The following IER2 variants were observed in gnomAD, a reference collection of about 807,000 sequenced individuals.
The protein encoded by IER2 is immediate early response gene 2 protein.
For synonymous variants in IER2, 198 were observed against 149.6 expected, an observed-to-expected ratio of 1.32 and a Z score of -2.36; for missense variants, 372 against 325.4, an observed-to-expected ratio of 1.14 and a Z score of -1.10.
Position 13,153,989 on chromosome 19 carries a change from G to T in IER2, c.*131G>T. Reference sequence around the variant, plus strand: ...GCGAAAACCGTGGAGAGAAGCCGCCGCCCGGGCTGCTGAGAGGCCCGGAGA... The same window carrying T: ...GCGAAAACCGTGGAGAGAAGCCGCCTCCCGGGCTGCTGAGAGGCCCGGAGA... On this transcript the variant is annotated 3_prime_UTR_variant, in exon 2 of 2. Coordinates refer to ENST00000292433, the MANE Select transcript of IER2 (RefSeq NM_004907.3). The T allele has an allele frequency of 3.9e-6, 3 of 777,508 alleles. No individual in the cohort carries two copies. Among genetic ancestry groups the T allele is most frequent in the South Asian group, 2.4e-5 (1 of 42,260 alleles). The allele number at this position is 777,508 out of a possible 1,614,324, so 48.2% of individuals were successfully genotyped here.
rs763842077 is a variant in IER2, at chr19:13,153,978, G to A, written c.*120G>A. On this transcript the variant is annotated 3_prime_UTR_variant, in exon 2 of 2. Coordinates refer to ENST00000292433, the MANE Select transcript of IER2 (RefSeq NM_004907.3). ...GGGAAGCGCCCGCGAAAACCGTGGAGAGAAGCCGCCGCCCGGGCTGCTGAG... is the reference window on the plus strand; with the variant it reads ...GGGAAGCGCCCGCGAAAACCGTGGAAAGAAGCCGCCGCCCGGGCTGCTGAG... The A allele has an allele frequency of 1.9e-4, 167 of 878,704 alleles. No individual in the cohort carries two copies. Among genetic ancestry groups the A allele is most frequent in the Non-Finnish European group, 2.7e-4 (163 of 613,040 alleles). 54.4% of individuals were successfully genotyped at this position (878,704 alleles called of 1,614,324 possible). A position where few individuals can be genotyped will look rare whatever the true frequency, so the allele number is the denominator to read the frequency against.
At chr19:13,151,675 G>A (rs1313025658) in intron 1 of IER2, among the ~76,000 whole-genome samples, 1 of 152,202 alleles carries the variant, frequency 6.6e-6, no homozygotes, top group African/African-American at 2.4e-5. Flanking sequence ...GGAAGGAAGT[G>A]AAACTCTCCT....
chr19:13,151,855 C>T (rs936029386), intron 1 of IER2: 15 of 151,456 alleles, frequency 9.9e-5, no homozygotes, highest in African/African-American at 3.4e-4. Flanking sequence ...GGGCCCTGTC[C>T]TAATATGGGC....
rs371930497 is a variant in IER2 at position 13,153,610 on chromosome 19, C to T, written c.424C>T (p.Arg142Cys). 42 of 1,611,354 alleles carry T rather than the reference C, an allele frequency of 2.6e-5. No individual in the cohort carries two copies. The highest frequency in any genetic ancestry group is 4.4e-5 in the South Asian group (4 of 90,770). ...DAGLVPSKKARLEEKEEEEGA... is the reference protein window; with the variant it reads ...DAGLVPSKKACLEEKEEEEGA... The stretch of plus-strand genomic sequence containing the variant: ...TGGACTGGTCCCGAGCAAGAAAGCC[C>T]GTCTGGAAGAAAAGGAAGAAGAGGA... The change falls in exon 2 of 2, where the codon CGT (arginine) becomes TGT (cysteine). Residue 142 changes from arginine (R) to cysteine (C), a missense_variant. By Grantham distance (180) the Arg-to-Cys change is radical. Transcript: ENST00000292433.
At position 13,154,065 on chromosome 19, in the gene IER2, G is replaced by A. The variant is rs1046741520; in HGVS notation, c.*207G>A. 29 of 519,180 alleles carry A rather than the reference G, an allele frequency of 5.6e-5. No homozygotes were observed. Among genetic ancestry groups the A allele is most frequent in the African/African-American group, 2.8e-4 (14 of 49,164 alleles). The allele number at this position is 519,180 out of a possible 1,614,324, so 32.2% of individuals were successfully genotyped here. A position where few individuals can be genotyped will look rare whatever the true frequency, so the allele number is the denominator to read the frequency against. ...GCCTTCAGTGTGCAGGGACGGCACCGAGGAGTCTGAGCCGGGGGCGCGGGC... is the reference window on the plus strand; with the variant it reads ...GCCTTCAGTGTGCAGGGACGGCACCAAGGAGTCTGAGCCGGGGGCGCGGGC... On this transcript the variant is annotated 3_prime_UTR_variant, in exon 2 of 2. Coordinates refer to ENST00000292433, the MANE Select transcript of IER2 (RefSeq NM_004907.3).
intron 1 of IER2, among the ~76,000 whole-genome samples, chr19:13,151,041 G>A (rs1397819732): frequency 6.6e-6 from 1 of 152,160 alleles, no homozygotes; most frequent in Non-Finnish European, 1.5e-5. Context: ...GTAGGGGCCA[G>A]GAATATCAGC....
chr19:13,153,843 C>T lies in IER2; in HGVS notation c.657C>T (p.Ala219=), dbSNP rs1252619976. 4 of 1,441,692 alleles carry T rather than the reference C, an allele frequency of 2.8e-6. No homozygotes were observed. Among genetic ancestry groups the T allele is most frequent in the Non-Finnish European group, 3.6e-6 (4 of 1,105,746 alleles). 89.3% of individuals were successfully genotyped at this position (1,441,692 alleles called of 1,614,324 possible). A position where few individuals can be genotyped will look rare whatever the true frequency, so the allele number is the denominator to read the frequency against. ...ADSMLNVLVR[A]VVAF ...GCATGCTCAACGTGCTCGTGCGGGC[C>T]GTGGTGGCCTTCTGAGGACCCCGAG... is the stretch of plus-strand genomic sequence containing the variant. Residue 219 remains alanine (A), a synonymous_variant, in exon 2 of 2, where the codon GCC becomes GCT. Transcript: ENST00000292433.
At chr19:13,151,199 T>A (rs911535963) in intron 1 of IER2, among the ~76,000 whole-genome samples, 1 of 151,094 alleles carries the variant, frequency 6.6e-6, no homozygotes, top group Admixed American at 6.6e-5. Flanking sequence ...GTCGCCCCCT[T>A]GCGCGTCAGA....
chr19:13,153,680 C>T lies in IER2; in HGVS notation c.494C>T (p.Ala165Val), dbSNP rs2020095322. 1 of 1,612,430 alleles carries T rather than the reference C, an allele frequency of 6.2e-7. No homozygotes were observed. Among genetic ancestry groups the T allele is most frequent in the Non-Finnish European group, 8.5e-7 (1 of 1,179,778 alleles). The change falls in exon 2 of 2, where the codon GCG becomes GTG. Residue 165 changes from alanine to valine, a missense_variant. Transcript: ENST00000292433. ...EVADRLQPPP[A>V]QAEGAFPNLA... Reference sequence around the variant, plus strand: ...GCCGATCGCCTGCAGCCCCCTCCGGCGCAAGCGGAGGGCGCCTTTCCCAAC... The same window carrying T: ...GCCGATCGCCTGCAGCCCCCTCCGGTGCAAGCGGAGGGCGCCTTTCCCAAC...
Position 13,153,495 on chromosome 19 carries a change from A to G in IER2, c.309A>G (p.Thr103=), listed in dbSNP as rs2020091520. Residue 103 remains threonine, a synonymous_variant, in exon 2 of 2, where the codon ACA becomes ACG. Coordinates refer to ENST00000292433, the MANE Select transcript of IER2 (RefSeq NM_004907.3). The stretch of plus-strand genomic sequence containing the variant: ...CAATGGACACGCAGGAGGCGCCGAC[A>G]GCCGAGGAGACCTCCGCCTGCTGTG... The part of the protein sequence containing the change: ...PEPMDTQEAP[T]AEETSACCAP... The G allele has an allele frequency of 6.3e-7, 1 of 1,585,400 alleles. No homozygotes were observed. Among genetic ancestry groups the G allele is most frequent in the African/African-American group, 1.3e-5 (1 of 74,238 alleles).
chr19:13,152,629 A>T (rs1184203764), intron 1 of IER2: 1 of 152,270 alleles, frequency 6.6e-6, no homozygotes, highest in Non-Finnish European at 1.5e-5. Context: ...TGGTGCAGAA[A>T]ACACTCATTA....
Position 13,153,919 on chromosome 19 carries a change from A to G in IER2, c.*61A>G, listed in dbSNP as rs1025840425. 7.4e-7 allele frequency: 1 copy of G among 1,350,356 alleles called. No homozygotes were observed. The highest frequency in any genetic ancestry group is 9.6e-7 in the Non-Finnish European group (1 of 1,036,992). The allele number at this position is 1,350,356 out of a possible 1,614,324, so 83.6% of individuals were successfully genotyped here. ...CGTCGAACCGTCGGCCCGAGGGCGC[A>G]GACCTGAGGCGAGGCCACCCCCCTC... On this transcript the variant is annotated 3_prime_UTR_variant, in exon 2 of 2. Coordinates refer to ENST00000292433, the MANE Select transcript of IER2 (RefSeq NM_004907.3).
Position 13,154,582 on chromosome 19 carries a change from T to C in IER2, c.*724T>C, listed in dbSNP as rs577894923. 186 of 167,306 alleles carry C rather than the reference T, an allele frequency of 1.1e-3. No individual in the cohort carries two copies. The highest frequency in any genetic ancestry group is 2.1e-3 in the Non-Finnish European group (146 of 68,152). The allele number at this position is 167,306 out of a possible 1,614,324, so 10.4% of individuals were successfully genotyped here. ...TGATCTACTTTCACATTCTCAAGTT[T>C]TTCTCATCTGCATTAGAGGTGCCCA... On this transcript the variant is annotated 3_prime_UTR_variant, in exon 2 of 2. Transcript: ENST00000292433.
chr19:13,153,840 G>A lies in IER2; in HGVS notation c.654G>A (p.Arg218=). The A allele has an allele frequency of 6.9e-7, 1 of 1,442,536 alleles. No homozygotes were observed. The allele number at this position is 1,442,536 out of a possible 1,614,324, so 89.4% of individuals were successfully genotyped here. Residue 218 remains arginine (R), a synonymous_variant, in exon 2 of 2, where the codon CGG becomes CGA. Coordinates refer to ENST00000292433, the MANE Select transcript of IER2 (RefSeq NM_004907.3). ...ACAGCATGCTCAACGTGCTCGTGCG[G>A]GCCGTGGTGGCCTTCTGAGGACCCC... The part of the protein sequence containing the change: ...PADSMLNVLV[R]AVVAF
chr19:13,150,538 C>T lies in IER2; in HGVS notation c.-258C>T, dbSNP rs541217185. Reference sequence around the variant, plus strand: ...TTCCTGCGCAACTTCAGTTTCCCTTCCAGGCACGGGCAATGTAAATAATGA... The same window carrying T: ...TTCCTGCGCAACTTCAGTTTCCCTTTCAGGCACGGGCAATGTAAATAATGA... On this transcript the variant is annotated 5_prime_UTR_variant, in exon 1 of 2. Transcript: ENST00000292433. This position sits in a 1 kb window ranked among gnomAD's most constrained non-coding sequence, Gnocchi z 4.0. 6.2e-5 allele frequency: 14 copies of T among 226,506 alleles called. No homozygotes were observed. Among genetic ancestry groups the T allele is most frequent in the Admixed American group, 1.8e-4 (3 of 16,428 alleles). The allele number at this position is 226,506 out of a possible 1,614,324, so 14.0% of individuals were successfully genotyped here.
chr19:13,153,074 A>G lies in IER2; in HGVS notation c.-113A>G. The G allele has an allele frequency of 1.4e-6, 1 of 739,296 alleles. No individual in the cohort carries two copies. The allele number at this position is 739,296 out of a possible 1,614,324, so 45.8% of individuals were successfully genotyped here. A position where few individuals can be genotyped will look rare whatever the true frequency, so the allele number is the denominator to read the frequency against. Reference sequence around the variant, plus strand: ...CTGGGCAGAGCGTCCTAGCAGTGTCACTGCGTGGGTTGGTTTGTGTAGAGA... The same window carrying G: ...CTGGGCAGAGCGTCCTAGCAGTGTCGCTGCGTGGGTTGGTTTGTGTAGAGA... On this transcript the variant is annotated 5_prime_UTR_variant, in exon 2 of 2. Transcript: ENST00000292433.
chr19:13,153,436 G>A lies in IER2; in HGVS notation c.250G>A (p.Ala84Thr). 6.3e-7 allele frequency: 1 copy of A among 1,593,848 alleles called. No homozygotes were observed. Among genetic ancestry groups the A allele is most frequent in the East Asian group, 2.3e-5 (1 of 43,766 alleles). Residue 84 changes from alanine (A) to threonine (T), a missense_variant, in exon 2 of 2, where the codon GCG becomes ACG. By Grantham distance (58) the Ala-to-Thr change is moderately conservative (BLOSUM62 0). Transcript: ENST00000292433. ...PREAESTAET[A>T]TPDGEHPFPE... is the part of the protein sequence containing the mutation. ...AGAAGCCGAGTCCACGGCCGAGACAGCGACCCCCGACGGTGAGCACCCGTT... is the reference window on the plus strand; with the variant it reads ...AGAAGCCGAGTCCACGGCCGAGACAACGACCCCCGACGGTGAGCACCCGTT...
chr19:13,152,961 G>C lies in IER2; in HGVS notation c.-226G>C, dbSNP rs1208625342. On this transcript the variant is annotated 5_prime_UTR_variant, in exon 2 of 2. Coordinates refer to ENST00000292433, the MANE Select transcript of IER2 (RefSeq NM_004907.3). Reference sequence around the variant, plus strand: ...TCTTTAAGGAGTGTTTGGCCGCGACGAGTTGGAAAGCCCGGATGCGTCCTT... The same window carrying C: ...TCTTTAAGGAGTGTTTGGCCGCGACCAGTTGGAAAGCCCGGATGCGTCCTT... 2.5e-6 allele frequency: 1 copy of C among 397,512 alleles called. No individual in the cohort carries two copies. The highest frequency in any genetic ancestry group is 4.5e-6 in the Non-Finnish European group (1 of 223,910). 24.6% of individuals were successfully genotyped at this position (397,512 alleles called of 1,614,324 possible).
At position 13,153,524 on chromosome 19, in the gene IER2, C is replaced by T. The variant is rs141308887; in HGVS notation, c.338C>T (p.Pro113Leu). ...GAGGAGACCTCCGCCTGCTGTGCCC[C>T]GCGCCCCGCCAAAGTCAGCCGCAAA... Reference protein sequence around the residue: ...TAEETSACCAPRPAKVSRKRR... With the variant: ...TAEETSACCALRPAKVSRKRR... Residue 113 changes from proline to leucine, a missense_variant, in exon 2 of 2, where the codon CCG (proline) becomes CTG (leucine). Transcript: ENST00000292433. 8.7e-4 allele frequency: 1,373 copies of T among 1,583,080 alleles called. 13 individuals are homozygous for T. The African/African-American group carries it at 0.017, about 19-fold the overall frequency.
Sources: allele counts gnomAD v4.1 joint callset (sites outside exome capture counted in the v4.1 genomes callset), GRCh38; gene constraint gnomAD v4.1.1; non-coding constraint Gnocchi (gnomAD v3.1); transcripts MANE v1.5; gene names NCBI Gene and HGNC (gene_info 2026-07-23, HGNC 2026-07-21).